The following RBFOX1 variants were observed in gnomAD, a reference collection of about 807,000 sequenced individuals.
RBFOX1 encodes RNA binding fox-1 homolog 1, also known as RNA binding protein fox-1 homolog 1.
In RBFOX1, 8 loss-of-function variants were observed where a neutral mutation model predicts 57.7. That is an observed-to-expected ratio of 0.14 (90% CI 0.08 to 0.25). The LOEUF (loss-of-function observed/expected upper bound fraction) is 0.25, where lower values mean the gene tolerates loss of function less well. RBFOX1 is among the 10% of genes least tolerant of loss of function. The pLI is 1.00. For synonymous variants in RBFOX1, 326 were observed against 222.4 expected (o/e 1.47, Z -4.15); for missense variants, 611 against 548.5 (o/e 1.11, Z -1.14).
intron 2 of RBFOX1, among the ~76,000 whole-genome samples, chr16:6,567,271 C>T (rs1170947931): frequency 1.3e-5 from 2 of 152,152 alleles, no homozygotes; most frequent in East Asian, 1.9e-4. Context: ...CTTATTTCAT[C>T]CCCTTTATCC....
chr16:7,009,363 G>C, intron 3 of RBFOX1, among the ~76,000 whole-genome samples: 1 of 150,844 alleles, frequency 6.6e-6, no homozygotes, highest in Non-Finnish European at 1.5e-5. Flanking sequence ...GCAGTCTCTT[G>C]GAATTAGAAG....
intron 4 of RBFOX1, among the ~76,000 whole-genome samples, chr16:7,283,136 A>G (rs577210968): frequency 6.6e-4 from 101 of 152,280 alleles, no homozygotes; most frequent in Non-Finnish European, 1.2e-3. Flanking sequence ...TTGTTGGATC[A>G]AATGGTAGTT....
At chr16:6,924,101 G>A (rs1410254252) in intron 3 of RBFOX1, among the ~76,000 whole-genome samples, 1 of 151,912 alleles carries the variant, frequency 6.6e-6, no homozygotes, top group Non-Finnish European at 1.5e-5. Flanking sequence ...ACCCGGAGGT[G>A]GAGGTTGCAG....
chr16:7,047,619 T>G (rs2048414674), intron 3 of RBFOX1, among the ~76,000 whole-genome samples: 1 of 53,394 alleles, frequency 1.9e-5, no homozygotes, highest in African/African-American at 3.3e-5. Flanking sequence ...ATTTCTTAAT[T>G]TTTTTTTTTG....
intron 4 of RBFOX1, among the ~76,000 whole-genome samples, chr16:7,205,735 C>T (rs748585925): frequency 1.3e-5 from 2 of 152,124 alleles, no homozygotes; most frequent in Non-Finnish European, 2.9e-5. Context: ...AGAAAGAAAA[C>T]GAAGTCCCTG....
At chr16:7,560,308 G>A (rs568945586) in intron 5 of RBFOX1, among the ~76,000 whole-genome samples, 80 of 152,220 alleles carry the variant, frequency 5.3e-4, no homozygotes, top group African/African-American at 1.8e-3. Flanking sequence ...ATTTTTAGAC[G>A]TGACAGGTGC....
At chr16:6,261,357 TCTCTAC>T in intron 1 of RBFOX1, among the ~76,000 whole-genome samples, 1 of 152,376 alleles carries the variant, frequency 6.6e-6, no homozygotes, top group East Asian at 1.9e-4. Context: ...GTTGTTTTTT[TCTCTAC>T]CTAGTACCAA....
chr16:6,531,384 C>T (rs1268803530), intron 2 of RBFOX1, among the ~76,000 whole-genome samples: 2 of 152,138 alleles, frequency 1.3e-5, no homozygotes, highest in Non-Finnish European at 2.9e-5. Context: ...CCAGAGCTCT[C>T]AGACATAGGA....
intron 3 of RBFOX1, among the ~76,000 whole-genome samples, chr16:6,909,956 G>C (rs985747984): frequency 3.3e-5 from 5 of 152,006 alleles, no homozygotes; most frequent in Non-Finnish European, 7.4e-5. Context: ...AGCCATTTCT[G>C]ATTTCCAATA....
chr16:5,877,561 G>T (rs974406198), intron 4 of RBFOX1, among the ~76,000 whole-genome samples: 26 of 152,232 alleles, frequency 1.7e-4, no homozygotes, highest in African/African-American at 6.0e-4. Context: ...GCCGAAGAGG[G>T]TTCTTGGCTT....
At chr16:5,714,552 A>G (rs965665366) in intron 3 of RBFOX1, among the ~76,000 whole-genome samples, 3 of 152,224 alleles carry the variant, frequency 2.0e-5, no homozygotes, top group Non-Finnish European at 2.9e-5. Context: ...TGTGAAAAAT[A>G]AACCCTTACA....
intron 1 of RBFOX1, among the ~76,000 whole-genome samples, chr16:5,379,722 G>A (rs1208729268): frequency 6.6e-6 from 1 of 152,132 alleles, no homozygotes; most frequent in Non-Finnish European, 1.5e-5. Flanking sequence ...GGGTCTCAGG[G>A]GAAAAGATGA....
chr16:7,520,336 A>G (rs1333776017), intron 5 of RBFOX1, among the ~76,000 whole-genome samples: 2 of 152,180 alleles, frequency 1.3e-5, no homozygotes, highest in Non-Finnish European at 2.9e-5. Context: ...TGTATTCACA[A>G]TGTAGTGCAA....
rs563833244 is a variant in RBFOX1 at position 7,191,267 on chromosome 16, G to T, written c.27+139169G>T. On this transcript the variant is annotated intron_variant, in intron 4 of 15. Transcript: ENST00000550418. ...ATATTTGATGGGAGAAGTAATTCCAGTCATGGCACATCAGAAAGTTGCTTT... is the reference window on the plus strand; with the variant it reads ...ATATTTGATGGGAGAAGTAATTCCATTCATGGCACATCAGAAAGTTGCTTT... Among the ~76,000 whole-genome samples, 5 of 151,598 alleles carry T rather than the reference G, an allele frequency of 3.3e-5. No individual in the cohort carries two copies. In the South Asian group the frequency reaches 6.3e-4, roughly 19 times the overall value.
intron 4 of RBFOX1, among the ~76,000 whole-genome samples, chr16:7,390,451 TACTC>T (rs1367363546): frequency 1.3e-5 from 2 of 152,208 alleles, no homozygotes; most frequent in Admixed American, 1.3e-4. Flanking sequence ...GCAGGGACCT[TACTC>T]ACATCTTCTA....
intron 4 of RBFOX1, among the ~76,000 whole-genome samples, chr16:7,434,289 G>A (rs2098705050): frequency 6.6e-6 from 1 of 151,966 alleles, no homozygotes; most frequent in Admixed American, 6.6e-5. Context: ...GGCTAACACG[G>A]TGAAACCCCG....
At chr16:5,898,024 G>C (rs554462248) in intron 4 of RBFOX1, among the ~76,000 whole-genome samples, 14 of 152,160 alleles carry the variant, frequency 9.2e-5, no homozygotes, top group Admixed American at 9.2e-4. Flanking sequence ...TAAGGAAAGA[G>C]GTTTAATTGA....
chr16:6,827,948 T>C (rs1031908494), intron 3 of RBFOX1, among the ~76,000 whole-genome samples: 1 of 152,222 alleles, frequency 6.6e-6, no homozygotes, highest in African/African-American at 2.4e-5. Context: ...GCCTGTTGTT[T>C]CCACTAGACT....
chr16:5,884,675 C>G (rs772438099), intron 4 of RBFOX1, among the ~76,000 whole-genome samples: 2 of 152,056 alleles, frequency 1.3e-5, no homozygotes, highest in African/African-American at 2.4e-5. Flanking sequence ...AAATCAGATT[C>G]TGAGGCAAGT....
Sources: gnomAD v4.1 joint callset for allele counts (sites outside exome capture counted in the v4.1 genomes callset) on GRCh38, gnomAD v4.1.1 for gene constraint, MANE v1.5 for transcripts, NCBI Gene and HGNC (gene_info 2026-07-23, HGNC 2026-07-21) for gene names.